Variants in ATF7 observed in about 807,000 individuals in gnomAD.
The protein encoded by ATF7 is activating transcription factor 7.
In ATF7, 10 loss-of-function variants were observed where a neutral mutation model predicts 50.4. The observed-to-expected ratio is 0.20, with a 90% CI of 0.12 to 0.34. The LOEUF (loss-of-function observed/expected upper bound fraction) is 0.34, where lower values mean the gene tolerates loss of function less well. Ranked by LOEUF, ATF7 falls within the 10% of genes least tolerant of loss-of-function variation. The pLI is 1.00. For synonymous variants in ATF7, 201 were observed against 226.4 expected, an observed-to-expected ratio of 0.89 and a Z score of 1.01; for missense variants, 465 against 613.9, an observed-to-expected ratio of 0.76 and a Z score of 2.56.
intron 2 of ATF7, among the ~76,000 whole-genome samples, chr12:53,576,805 G>A (rs746791087): frequency 2.6e-5 from 4 of 152,050 alleles, no homozygotes; most frequent in Non-Finnish European, 5.9e-5. Context: ...CTGTAACCCC[G>A]GCATTTTGGG....
intron 4 of ATF7, among the ~76,000 whole-genome samples, chr12:53,542,391 C>T (rs7962709): frequency 0.85 from 128,227 of 151,034 alleles, 56,302 homozygotes; most frequent in Non-Finnish European, 0.96. Flanking sequence ...CGTGCCACTG[C>T]ACTCCAGCCT....
At chr12:53,549,532 T>C (rs1940187255) in intron 3 of ATF7, among the ~76,000 whole-genome samples, 1 of 152,020 alleles carries the variant, frequency 6.6e-6, no homozygotes, top group Admixed American at 6.6e-5. Context: ...GCCTCCCAAG[T>C]ATCTGGGATT....
At chr12:53,560,067 C>A (rs1310346901) in intron 2 of ATF7, among the ~76,000 whole-genome samples, 3 of 152,074 alleles carry the variant, frequency 2.0e-5, no homozygotes, top group Non-Finnish European at 2.9e-5. Flanking sequence ...GAATTACAGG[C>A]ACCTGCCACC....
Position 53,524,574 on chromosome 12 carries a change from A to G in ATF7, c.1115T>C (p.Ile372Thr). The change falls in exon 10 of 12, where the codon ATT (isoleucine) becomes ACT (threonine). Residue 372 changes from isoleucine (I) to threonine (T), a missense_variant. Ile to Thr is a moderately conservative substitution (Grantham distance 89). Transcript: ENST00000420353. The surrounding 1 kb of genome is among the most constrained non-coding windows in gnomAD (Gnocchi z 4.6). ...CCAGGACCCACTCACACTCAGCTGAATGTTCTGAGAAGTGAGTTCTTCGGC... is the reference window on the plus strand; with the variant it reads ...CCAGGACCCACTCACACTCAGCTGAGTGTTCTGAGAAGTGAGTTCTTCGGC... ...KKAEELTSQN[I>T]QLSNEVTLLR... 1 of 1,613,880 alleles carries G rather than the reference A, an allele frequency of 6.2e-7. No individual in the cohort carries two copies. The highest frequency in any genetic ancestry group is 1.3e-5 in the African/African-American group (1 of 75,058).
intron 2 of ATF7, 137 bp from the exon 3 acceptor site, chr12:53,552,774 G>A: frequency 1.5e-6 from 1 of 670,524 alleles, no homozygotes; most frequent in Non-Finnish European, 2.6e-6. Context: ...GAAAAAACTG[G>A]AAGAGGAGAA....
chr12:53,555,485 ATATAATTTTTTTTTTTT>A (rs1381302601), intron 2 of ATF7, among the ~76,000 whole-genome samples: 1 of 147,454 alleles, frequency 6.8e-6, no homozygotes, highest in East Asian at 2.0e-4. Context: ...GAAGAAAATA[ATATAATTTTTTTTTTTT>A]TTTTTTTTTT....
intron 3 of ATF7, chr12:53,544,007 G>A (rs1045628157): frequency 1.3e-5 from 2 of 152,782 alleles, no homozygotes; most frequent in African/African-American, 4.8e-5. Context: ...CCTTCTGAAG[G>A]ATTCCAGGCA....
At chr12:53,535,767 T>TA (rs1392034365) in intron 5 of ATF7, among the ~76,000 whole-genome samples, 1 of 152,152 alleles carries the variant, frequency 6.6e-6, no homozygotes, top group African/African-American at 2.4e-5. Flanking sequence ...TCGAAACTGT[T>TA]AGATGTCCAA....
At chr12:53,587,562 G>C (rs1942748756) in intron 2 of ATF7, among the ~76,000 whole-genome samples, 1 of 150,118 alleles carries the variant, frequency 6.7e-6, no homozygotes, top group Admixed American at 6.7e-5. Context: ...AGCTGTTTGG[G>C]AGGCTGAGGC....
intron 1 of ATF7, among the ~76,000 whole-genome samples, chr12:53,625,473 C>T (rs1474561890): frequency 6.6e-6 from 1 of 152,194 alleles, no homozygotes; most frequent in Non-Finnish European, 1.5e-5. Flanking sequence ...TTCCCAAACA[C>T]CTCTTATCGC....
chr12:53,518,916 T>C (rs912789787), intron 11 of ATF7, among the ~76,000 whole-genome samples: 2 of 150,200 alleles, frequency 1.3e-5, no homozygotes, highest in Admixed American at 6.6e-5. Flanking sequence ...TAGCTGGGCA[T>C]GGTGGCGGGC....
In ATF7 at chr12:53,587,820, C is replaced by CATATATATATATATATAT. The variant is rs1242121330; in HGVS notation, c.48+13115_48+13132dup. ...TTTTGATCCTCTATGTATACTTCTACATATATATATATATATATATATATT... is the reference window on the plus strand; with the variant it reads ...TTTTGATCCTCTATGTATACTTCTACATATATATATATATATATATATATATATATATATATATATATT... On this transcript the variant is annotated intron_variant, in intron 2 of 11. Transcript: ENST00000420353. Among the ~76,000 whole-genome samples the CATATATATATATATATAT allele has an allele frequency of 1.3e-3, 84 of 66,980 alleles. 2 individuals are homozygous for CATATATATATATATATAT. Among genetic ancestry groups the CATATATATATATATATAT allele is most frequent in the South Asian group, 3.9e-3 (4 of 1,036 alleles). 43.9% of individuals were successfully genotyped at this position (66,980 alleles called of 152,430 possible).
chr12:53,576,956 T>TGA (rs1487702635), intron 2 of ATF7, among the ~76,000 whole-genome samples: 4 of 152,278 alleles, frequency 2.6e-5, no homozygotes, highest in African/African-American at 9.6e-5. Flanking sequence ...CTCAGGAGGC[T>TGA]GAGGCATGAG....
chr12:53,532,489 C>A, intron 8 of ATF7, 21 bp downstream of exon 8: 1 of 1,538,388 alleles, frequency 6.5e-7, no homozygotes, highest in Non-Finnish European at 8.9e-7. Context: ...CCAACATTGC[C>A]CCAGACTGGG....
At chr12:53,581,406 C>T (rs1942418483) in intron 2 of ATF7, among the ~76,000 whole-genome samples, 1 of 152,138 alleles carries the variant, frequency 6.6e-6, no homozygotes, top group Admixed American at 6.5e-5. Context: ...TTCTTCTTAG[C>T]TCACATGGAA....
At chr12:53,609,058 A>C (rs1432611805) in intron 1 of ATF7, among the ~76,000 whole-genome samples, 1 of 151,868 alleles carries the variant, frequency 6.6e-6, no homozygotes, top group Non-Finnish European at 1.5e-5. Flanking sequence ...TAATCCCAAC[A>C]CTTTAGGAGG....
downstream of ATF7, among the ~76,000 whole-genome samples, chr12:53,509,609 G>A (rs1029779884): frequency 9.9e-5 from 15 of 151,332 alleles, no homozygotes; most frequent in Non-Finnish European, 1.9e-4. Context: ...GGGTTCAGGC[G>A]ATTCTCCTGC....
At chr12:53,532,383 C>A in intron 8 of ATF7, 127 bp downstream of exon 8, 1 of 701,700 alleles carries the variant, frequency 1.4e-6, no homozygotes, top group East Asian at 2.7e-5. Context: ...CCAGACCCCA[C>A]AGCAGGGAGT....
At chr12:53,548,862 G>A (rs1792537748) in intron 3 of ATF7, among the ~76,000 whole-genome samples, 1 of 152,164 alleles carries the variant, frequency 6.6e-6, no homozygotes, top group Admixed American at 6.6e-5. Context: ...GTGCACATCT[G>A]TAGTCCCAGC....
Sources: gnomAD v4.1 joint callset for allele counts (sites outside exome capture counted in the v4.1 genomes callset) on GRCh38, gnomAD v4.1.1 for gene constraint, Gnocchi (gnomAD v3.1) non-coding constraint, MANE v1.5 for transcripts, NCBI Gene and HGNC (gene_info 2026-07-23, HGNC 2026-07-21) for gene names.